TBC1D22A: variants seen among roughly 807,000 people sequenced by gnomAD.
TBC1D22A encodes TBC1 domain family member 22A, also known as putative GTPase activator.
A neutral mutation model predicts 60.2 loss-of-function variants in TBC1D22A; 38 were observed. That is an observed-to-expected ratio of 0.63 (90% CI 0.49 to 0.83). TBC1D22A has a LOEUF of 0.83. Ranked by LOEUF, TBC1D22A falls within the 40% of genes least tolerant of loss-of-function variation. The pLI is 0.00. For synonymous variants in TBC1D22A, 302 were observed against 281.7 expected (o/e 1.07, Z -0.72); for missense variants, 628 against 701.0 (o/e 0.90, Z 1.18).
intron 8 of TBC1D22A, among the ~76,000 whole-genome samples, chr22:46,944,268 T>C (rs1425553147): frequency 6.6e-6 from 1 of 152,234 alleles, no homozygotes; most frequent in African/African-American, 2.4e-5. Context: ...TTTCTGTTTG[T>C]ATTTCCTGGA....
chr22:46,951,382 A>T lies in TBC1D22A; in HGVS notation c.1016-22908A>T, dbSNP rs184980336. 1.3e-3 allele frequency among the ~76,000 whole-genome samples: 194 copies of T among 152,266 alleles called. 3 individuals are homozygous for T. The highest frequency in any genetic ancestry group is 0.01 in the Admixed American group (159 of 15,290). ...TTTCTGAGGCCGGGCAGCAGTGTCT[A>T]ATTTTGGGCCTTCACAGTCAGTTTC... On this transcript the variant is annotated intron_variant, in intron 8 of 12. Coordinates refer to ENST00000337137, the MANE Select transcript of TBC1D22A (RefSeq NM_014346.5).
chr22:46,771,959 C>T (rs1247140037), intron 1 of TBC1D22A, among the ~76,000 whole-genome samples: 2 of 151,940 alleles, frequency 1.3e-5, no homozygotes, highest in Non-Finnish European at 2.9e-5. Context: ...TTACTTTACC[C>T]AGAATTGTTG....
intron 11 of TBC1D22A, among the ~76,000 whole-genome samples, chr22:47,047,647 C>G (rs956378943): frequency 1.5e-4 from 23 of 152,214 alleles, no homozygotes; most frequent in African/African-American, 5.3e-4. Flanking sequence ...TGATGGTGAC[C>G]AAGAGGTCAG....
At chr22:47,061,151 C>T (rs564234168) in intron 11 of TBC1D22A, among the ~76,000 whole-genome samples, 25 of 149,696 alleles carry the variant, frequency 1.7e-4, no homozygotes, top group Admixed American at 6.6e-4. Flanking sequence ...CGCTGTCTTC[C>T]TCGGTGCCCT....
At chr22:46,877,390 C>T (rs1471459289) in intron 4 of TBC1D22A, among the ~76,000 whole-genome samples, 2 of 152,198 alleles carry the variant, frequency 1.3e-5, no homozygotes, top group African/African-American at 4.8e-5. Flanking sequence ...AATGAGTTTC[C>T]TCTCAGCTTT....
At chr22:46,795,740 A>G (rs563421956) in intron 3 of TBC1D22A, among the ~76,000 whole-genome samples, 17 of 152,352 alleles carry the variant, frequency 1.1e-4, no homozygotes, top group Middle Eastern at 6.8e-3. Flanking sequence ...TTGCAGCAGC[A>G]CTAGGACATG....
rs545247742 is a variant in TBC1D22A, at chr22:47,021,624, C to T, written c.1202-15447C>T. On this transcript the variant is annotated intron_variant, in intron 10 of 12. Transcript: ENST00000337137. ...GGGAACCTAGCAGAACCTCACCTGT[C>T]GCCTGGAGCTCTGAGCAGGGACTCT... Among the ~76,000 whole-genome samples, 189 of 137,822 alleles carry T rather than the reference C, an allele frequency of 1.4e-3. 1 individual carries two copies. The highest frequency in any genetic ancestry group is 4.8e-3 in the African/African-American group (179 of 37,138). 90.4% of individuals were successfully genotyped at this position (137,822 alleles called of 152,430 possible).
chr22:47,022,108 C>A lies in TBC1D22A; in HGVS notation c.1202-14963C>A, dbSNP rs181689022. ...TTACACTTGATCAGGGAAATGAGCACCAAATGTTGGACATTTTTCCTGTTT... is the reference window on the plus strand; with the variant it reads ...TTACACTTGATCAGGGAAATGAGCAACAAATGTTGGACATTTTTCCTGTTT... On this transcript the variant is annotated intron_variant, in intron 10 of 12. Coordinates refer to ENST00000337137, the MANE Select transcript of TBC1D22A (RefSeq NM_014346.5). Among the ~76,000 whole-genome samples, 12 of 152,330 alleles carry A rather than the reference C, an allele frequency of 7.9e-5. No homozygotes were observed. The East Asian group carries it at 1.5e-3, about 20-fold the overall frequency.
rs15411 is a variant in TBC1D22A at position 47,173,962 on chromosome 22, G to C, written c.*336G>C. ...CTAGTCCGGGGCAGCCTAGGAGGCC[G>C]ACCCTCTTTGGAGTCCTGCTGTCTG... On this transcript the variant is annotated 3_prime_UTR_variant, in exon 13 of 13. Transcript: ENST00000337137. The C allele has an allele frequency of 0.2, 48,894 of 239,932 alleles. 6,109 individuals are homozygous for C. Among genetic ancestry groups the C allele is most frequent in the East Asian group, 0.47 (4,344 of 9,286 alleles). 14.9% of individuals were successfully genotyped at this position (239,932 alleles called of 1,614,324 possible).
At position 46,806,554 on chromosome 22, in the gene TBC1D22A, A is replaced by G. The variant is rs1601942793; in HGVS notation, c.637+8934A>G. On this transcript the variant is annotated intron_variant, in intron 4 of 12. Coordinates refer to ENST00000337137, the MANE Select transcript of TBC1D22A (RefSeq NM_014346.5). The stretch of plus-strand genomic sequence containing the variant: ...TAAATTTTAAATTAAATTAAATATT[A>G]AAAATATTTAAAAATTATTTAGAAA... 5.3e-5 allele frequency among the ~76,000 whole-genome samples: 8 copies of G among 150,558 alleles called. 2 individuals carry two copies. The highest frequency in any genetic ancestry group is 5.3e-4 in the Admixed American group (8 of 15,178).
chr22:46,923,141 A>G (rs986670934), intron 8 of TBC1D22A, among the ~76,000 whole-genome samples: 2 of 152,210 alleles, frequency 1.3e-5, no homozygotes, highest in African/African-American at 2.4e-5. Flanking sequence ...TAGAAACAGT[A>G]TAGAGATACT....
At chr22:46,764,641 A>T (rs1342096513) in intron 1 of TBC1D22A, among the ~76,000 whole-genome samples, 2 of 152,236 alleles carry the variant, frequency 1.3e-5, no homozygotes, top group East Asian at 3.8e-4. Flanking sequence ...AGGTAAAATG[A>T]GGTCATACTG....
chr22:46,945,089 A>C (rs1298655904), intron 8 of TBC1D22A, among the ~76,000 whole-genome samples: 1 of 152,238 alleles, frequency 6.6e-6, no homozygotes, highest in Non-Finnish European at 1.5e-5. Context: ...TAGTTTGGTC[A>C]TGACCTTAGT....
chr22:46,840,357 A>G (rs1174184280), intron 4 of TBC1D22A, among the ~76,000 whole-genome samples: 1 of 152,246 alleles, frequency 6.6e-6, no homozygotes, highest in East Asian at 1.9e-4. Flanking sequence ...GTATATGAAA[A>G]GGGGCTCAAC....
intron 9 of TBC1D22A, among the ~76,000 whole-genome samples, chr22:46,991,067 T>C (rs1487219337): frequency 1.3e-5 from 2 of 152,130 alleles, no homozygotes; most frequent in South Asian, 2.1e-4. Context: ...GGGTTTGCAC[T>C]CTATATGGGC....
chr22:47,084,159 C>T (rs1171038977), intron 11 of TBC1D22A, among the ~76,000 whole-genome samples: 1 of 152,208 alleles, frequency 6.6e-6, no homozygotes, highest in Non-Finnish European at 1.5e-5. Flanking sequence ...CCATTAGCCA[C>T]ATGCAGTTGT....
intron 12 of TBC1D22A, among the ~76,000 whole-genome samples, chr22:47,155,454 G>A (rs74355008): frequency 0.017 from 2,564 of 152,246 alleles, 62 homozygotes; most frequent in African/African-American, 0.059. Flanking sequence ...CAAAGAAATC[G>A]GCTATCAGAG....
intron 10 of TBC1D22A, among the ~76,000 whole-genome samples, chr22:47,026,251 A>G (rs2062254217): frequency 1.3e-5 from 2 of 152,232 alleles, no homozygotes; most frequent in Non-Finnish European, 2.9e-5. Context: ...AGCATGTTCG[A>G]TGTTTAAACC....
At chr22:47,060,852 T>G (rs1291250958) in intron 11 of TBC1D22A, among the ~76,000 whole-genome samples, 1 of 152,122 alleles carries the variant, frequency 6.6e-6, no homozygotes, top group East Asian at 1.9e-4. Context: ...TTGCTTCCCT[T>G]CCATTAGCGC....
Sources: allele counts gnomAD v4.1 joint callset (sites outside exome capture counted in the v4.1 genomes callset), GRCh38; gene constraint gnomAD v4.1.1; transcripts MANE v1.5; gene names NCBI Gene and HGNC (gene_info 2026-07-23, HGNC 2026-07-21).